Variants in TSLP observed in about 807,000 individuals in gnomAD.
TSLP encodes thymic stromal lymphopoietin.
TSLP carries 12 observed loss-of-function variants against 12.4 expected under a neutral mutation model. The ratio of observed to expected loss-of-function variants is 0.97; its 90% confidence interval spans 0.62 to 1.57. TSLP has a LOEUF of 1.57. Among genes scored for constraint, TSLP ranks in the 40% most tolerant of loss-of-function variants. The probability of loss-of-function intolerance (pLI) is 0.00; values close to 1 mark genes in which losing one functional copy is unlikely to be tolerated. For synonymous variants in TSLP, 97 were observed against 69.5 expected, an observed-to-expected ratio of 1.40 and a Z score of -1.97; for missense variants, 222 against 189.6, an observed-to-expected ratio of 1.17 and a Z score of -1.00.
chr5:111,072,284 T>C (rs1314618857), intron 1 of TSLP, among the ~76,000 whole-genome samples: 2 of 152,208 alleles, frequency 1.3e-5, no homozygotes, highest in African/African-American at 4.8e-5. Flanking sequence ...GGAGCAGGTA[T>C]TGATAGACAG....
In TSLP at chr5:111,072,075, C is replaced by G. The variant is rs375343802; in HGVS notation, c.171+14C>G. 1.7e-5 allele frequency: 27 copies of G among 1,595,636 alleles called. No individual in the cohort carries two copies. The African/African-American group carries it at 3.6e-4, about 21-fold the overall frequency. On this transcript the variant is annotated intron_variant, in intron 1 of 3. Transcript: ENST00000344895. ...TATATGAGTGGGGTAAGTGAAGAAG[C>G]TTTTTTAAAACAAATGTATTTTCAT...
At position 111,076,265 on chromosome 5, in the gene TSLP, A is replaced by C. The variant is rs1752505027; in HGVS notation, c.*191A>C. The C allele has an allele frequency of 3.3e-6, 2 of 614,974 alleles. No homozygotes were observed. The highest frequency in any genetic ancestry group is 3.8e-5 in the African/African-American group (2 of 53,266). 38.1% of individuals were successfully genotyped at this position (614,974 alleles called of 1,614,324 possible). On this transcript the variant is annotated 3_prime_UTR_variant, in exon 4 of 4. Coordinates refer to ENST00000344895, the MANE Select transcript of TSLP (RefSeq NM_033035.5). ...AATGCAGGGGAAGTACTACTCCTCA[A>C]ATGTTGAGGGAAGCTTCCATAACAT...
Position 111,076,373 on chromosome 5 carries a change from G to C in TSLP, c.*299G>C, listed in dbSNP as rs1198692186. ...AGGAAAATCCAAAAGTGCAGCAGGAGAACTCTTTTCCCTGAAAAAGGAAAA... is the reference window on the plus strand; with the variant it reads ...AGGAAAATCCAAAAGTGCAGCAGGACAACTCTTTTCCCTGAAAAAGGAAAA... On this transcript the variant is annotated 3_prime_UTR_variant, in exon 4 of 4. Coordinates refer to ENST00000344895, the MANE Select transcript of TSLP (RefSeq NM_033035.5). The C allele has an allele frequency of 3.5e-6, 1 of 285,676 alleles. No individual in the cohort carries two copies. Among genetic ancestry groups the C allele is most frequent in the Non-Finnish European group, 6.5e-6 (1 of 154,298 alleles). 17.7% of individuals were successfully genotyped at this position (285,676 alleles called of 1,614,324 possible). A position where few individuals can be genotyped will look rare whatever the true frequency, so the allele number is the denominator to read the frequency against.
rs1752533172 is a variant in TSLP, at chr5:111,077,157, C to G, written c.*1083C>G. 6.6e-6 allele frequency: 1 copy of G among 152,230 alleles called. No homozygotes were observed. Among genetic ancestry groups the G allele is most frequent in the Non-Finnish European group, 1.5e-5 (1 of 68,060 alleles). The allele number at this position is 152,230 out of a possible 1,614,324, so 9.4% of individuals were successfully genotyped here. A position where few individuals can be genotyped will look rare whatever the true frequency, so the allele number is the denominator to read the frequency against. ...TCTCACTCAATTTCCACTCAGAACCCTATAAACACCAGTGGGAAGGGCAAC... is the reference window on the plus strand; with the variant it reads ...TCTCACTCAATTTCCACTCAGAACCGTATAAACACCAGTGGGAAGGGCAAC... On this transcript the variant is annotated 3_prime_UTR_variant, in exon 4 of 4. Transcript: ENST00000344895.
chr5:111,073,492 C>G lies in TSLP; in HGVS notation c.217-19C>G. ...TGGTGTTTTCTCCTTTTCTCGTAAA[C>G]TTTGCCGCCTATGAGCAGCCACATT... is the stretch of plus-strand genomic sequence containing the variant. On this transcript the variant is annotated intron_variant, in intron 2 of 3. Coordinates refer to ENST00000344895, the MANE Select transcript of TSLP (RefSeq NM_033035.5). The G allele has an allele frequency of 6.2e-7, 1 of 1,613,730 alleles. No individual in the cohort carries two copies. Among genetic ancestry groups the G allele is most frequent in the Non-Finnish European group, 8.5e-7 (1 of 1,179,848 alleles).
intron 1 of TSLP, 142 bp from the exon 2 acceptor site, chr5:111,072,746 T>G (rs1225482931): frequency 3.3e-5 from 28 of 835,836 alleles, no homozygotes; most frequent in Non-Finnish European, 4.9e-5. Flanking sequence ...TTCACTGCCT[T>G]GTCAATGACA....
chr5:111,071,343 T>A (rs1752332827), upstream of TSLP: 1 of 1,104,892 alleles, frequency 9.1e-7, no homozygotes, highest in Non-Finnish European at 1.2e-6. Context: ...TCAGAATGCA[T>A]GGGACATATG....
rs1052947604 is a variant in TSLP at position 111,077,656 on chromosome 5, G to A, written c.*1582G>A. ...TACACATAATTTTTCACAAAATTTT[G>A]GGCCCAATTCCCCTAAAAGAATTGA... is the stretch of plus-strand genomic sequence containing the variant. On this transcript the variant is annotated 3_prime_UTR_variant, in exon 4 of 4. Coordinates refer to ENST00000344895, the MANE Select transcript of TSLP (RefSeq NM_033035.5). 5.2e-5 allele frequency: 8 copies of A among 152,496 alleles called. No homozygotes were observed. The highest frequency in any genetic ancestry group is 2.0e-4 in the Admixed American group (3 of 15,270). The allele number at this position is 152,496 out of a possible 1,614,324, so 9.4% of individuals were successfully genotyped here. A position where few individuals can be genotyped will look rare whatever the true frequency, so the allele number is the denominator to read the frequency against.
chr5:111,071,298 A>T, upstream of TSLP: 1 of 663,516 alleles, frequency 1.5e-6, no homozygotes, highest in Non-Finnish European at 2.3e-6. Flanking sequence ...GGAAAGCACT[A>T]GTTGAAAGTG....
At chr5:111,072,782 C>G in intron 1 of TSLP, 106 bp from the exon 2 acceptor site, 1 of 1,149,580 alleles carries the variant, frequency 8.7e-7, no homozygotes, top group Non-Finnish European at 1.3e-6. Context: ...TGAGTGGAAA[C>G]TGTTTTCAGG....
intron 2 of TSLP, 146 bp from the exon 3 acceptor site, chr5:111,073,365 A>G (rs1410722648): frequency 1.3e-6 from 2 of 1,513,400 alleles, no homozygotes; most frequent in Non-Finnish European, 1.8e-6. Flanking sequence ...TGCTCTACTC[A>G]ACCCTGACCT....
At chr5:111,074,715 C>T (rs1368856614) in intron 3 of TSLP, among the ~76,000 whole-genome samples, 1 of 150,148 alleles carries the variant, frequency 6.7e-6, no homozygotes, top group East Asian at 2.0e-4. Flanking sequence ...ACTGCAACCT[C>T]CATCTCCTGG....
rs969734556 is a variant in TSLP at position 111,077,913 on chromosome 5, A to G, written c.*1839A>G. 5 of 152,584 alleles carry G rather than the reference A, an allele frequency of 3.3e-5. No individual in the cohort carries two copies. The highest frequency in any genetic ancestry group is 1.2e-4 in the African/African-American group (5 of 41,450). 9.5% of individuals were successfully genotyped at this position (152,584 alleles called of 1,614,324 possible). On this transcript the variant is annotated 3_prime_UTR_variant, in exon 4 of 4. Coordinates refer to ENST00000344895, the MANE Select transcript of TSLP (RefSeq NM_033035.5). ...GTTCCCAAATGTTGTAACAATGTGG[A>G]TCATACATCTCTGGTTTTTTAAATG...
intron 1 of TSLP, among the ~76,000 whole-genome samples, chr5:111,072,334 G>T (rs1348156350): frequency 6.6e-6 from 1 of 152,178 alleles, no homozygotes; most frequent in Non-Finnish European, 1.5e-5. Context: ...TTGCTAAAGT[G>T]TTACTCTGAC....
In TSLP at chr5:111,071,743, A is replaced by T. The variant is rs1752342136; in HGVS notation, c.-148A>T. 8.1e-7 allele frequency: 1 copy of T among 1,236,684 alleles called. No homozygotes were observed. The highest frequency in any genetic ancestry group is 2.4e-5 in the Admixed American group (1 of 42,292). The allele number at this position is 1,236,684 out of a possible 1,614,324, so 76.6% of individuals were successfully genotyped here. A position where few individuals can be genotyped will look rare whatever the true frequency, so the allele number is the denominator to read the frequency against. ...GGAGACTCCAACTTAAGGCAACAGC[A>T]TGGGTGAATAAGGGCTTCCTGTGGA... is the stretch of plus-strand genomic sequence containing the variant. On this transcript the variant is annotated 5_prime_UTR_variant, in exon 1 of 4. The change abolishes an upstream ATG in the 5' untranslated region. Transcript: ENST00000344895.
rs531054750 is a variant in TSLP at position 111,076,177 on chromosome 5, T to A, written c.*103T>A. On this transcript the variant is annotated 3_prime_UTR_variant, in exon 4 of 4. Transcript: ENST00000344895. ...TGTGACAAAGAAGACCACAAATAGT[T>A]ATCTTTTAATTACAGAAGAGTTTCT... 7.6e-7 allele frequency: 1 copy of A among 1,321,658 alleles called. No individual in the cohort carries two copies. Among genetic ancestry groups the A allele is most frequent in the African/African-American group, 1.5e-5 (1 of 67,424 alleles). 81.9% of individuals were successfully genotyped at this position (1,321,658 alleles called of 1,614,324 possible). A position where few individuals can be genotyped will look rare whatever the true frequency, so the allele number is the denominator to read the frequency against.
chr5:111,076,103 G>A lies in TSLP; in HGVS notation c.*29G>A. 6.2e-7 allele frequency: 1 copy of A among 1,610,096 alleles called. No homozygotes were observed. The highest frequency in any genetic ancestry group is 1.1e-5 in the South Asian group (1 of 90,258). On this transcript the variant is annotated 3_prime_UTR_variant, in exon 4 of 4. Coordinates refer to ENST00000344895, the MANE Select transcript of TSLP (RefSeq NM_033035.5). The stretch of plus-strand genomic sequence containing the variant: ...ATCTTTATTATGGTCATATTTCACA[G>A]CACCAAAATAAATCATCTTTATTAA...
In TSLP at chr5:111,076,148, T is replaced by C. The variant is rs1752500856; in HGVS notation, c.*74T>C. On this transcript the variant is annotated 3_prime_UTR_variant, in exon 4 of 4. Transcript: ENST00000344895. ...TATTAAGTAGATGAAACATTAACTC[T>C]AACTGTGACAAAGAAGACCACAAAT... The C allele has an allele frequency of 6.6e-7, 1 of 1,508,612 alleles. No homozygotes were observed. Among genetic ancestry groups the C allele is most frequent in the East Asian group, 2.3e-5 (1 of 44,200 alleles). 93.5% of individuals were successfully genotyped at this position (1,508,612 alleles called of 1,614,324 possible). A position where few individuals can be genotyped will look rare whatever the true frequency, so the allele number is the denominator to read the frequency against.
At chr5:111,070,701 C>A (rs1250026471), upstream of TSLP, 1 of 152,304 alleles carries the variant, frequency 6.6e-6, no homozygotes, top group Non-Finnish European at 1.5e-5. Context: ...TAGTAAAAAT[C>A]TGAGCCCGCC....
Sources: allele counts gnomAD v4.1 joint callset (sites outside exome capture counted in the v4.1 genomes callset), GRCh38; gene constraint gnomAD v4.1.1; transcripts MANE v1.5; gene names NCBI Gene and HGNC (gene_info 2026-07-23, HGNC 2026-07-21).